SEPTIN9: variants seen among roughly 807,000 people sequenced by gnomAD.
SEPTIN9 encodes septin 9.
Under a neutral mutation model 56.6 loss-of-function variants are expected in SEPTIN9, and 13 were observed. That is an observed-to-expected ratio of 0.23 (90% CI 0.15 to 0.37). The LOEUF (loss-of-function observed/expected upper bound fraction) is 0.37, where lower values mean the gene tolerates loss of function less well. SEPTIN9 is among the 10% of genes least tolerant of loss of function. The probability of loss-of-function intolerance (pLI) is 1.00; values close to 1 mark genes in which losing one functional copy is unlikely to be tolerated. For missense variants in SEPTIN9, 650 were observed against 823.1 expected, an observed-to-expected ratio of 0.79 and a Z score of 2.57; for synonymous variants, 332 against 334.1, an observed-to-expected ratio of 0.99 and a Z score of 0.07.
chr17:77,300,149 G>A (rs2031974239), intron 1 of SEPTIN9, among the ~76,000 whole-genome samples: 1 of 152,158 alleles, frequency 6.6e-6, no homozygotes, highest in Non-Finnish European at 1.5e-5. Context: ...CCAGGTTGGA[G>A]TGCAGTGGCA....
Position 77,437,262 on chromosome 17 carries a change from T to C in SEPTIN9, c.721+34559T>C, listed in dbSNP as rs975806720. 1.1e-4 allele frequency among the ~76,000 whole-genome samples: 16 copies of C among 152,138 alleles called. No individual in the cohort carries two copies. The highest frequency in any genetic ancestry group is 3.9e-4 in the African/African-American group (16 of 41,432). ...GGAAAGCAAGAAGCCTGGAGAGAAG[T>C]GAGGCCTCTGTGGTTTGGCCTGAGT... On this transcript the variant is annotated intron_variant, in intron 3 of 11. Coordinates refer to ENST00000427177, the MANE Select transcript of SEPTIN9 (RefSeq NM_001113491.2). The surrounding 1 kb of genome is among the most constrained non-coding windows in gnomAD (Gnocchi z 5.3).
chr17:77,320,696 C>T (rs893036303), intron 2 of SEPTIN9, among the ~76,000 whole-genome samples: 16 of 152,204 alleles, frequency 1.1e-4, no homozygotes, highest in Non-Finnish European at 1.9e-4. Context: ...GGGTCTGGGG[C>T]GGCGGCGCTT....
At chr17:77,471,234 C>T (rs1464179591) in intron 3 of SEPTIN9, among the ~76,000 whole-genome samples, 1 of 152,178 alleles carries the variant, frequency 6.6e-6, no homozygotes, top group African/African-American at 2.4e-5. Context: ...TTTAGTCAGG[C>T]TCCTACTCAT....
In SEPTIN9 at chr17:77,499,045, GC is replaced by G; in HGVS notation, c.*390del. ...GGCCAGGCCTCGCACTTGCAGAGGA[GC>G]CCAGTGGGCTGCACGCTCCCCTCCA... is the stretch of plus-strand genomic sequence containing the variant. On this transcript the variant is annotated 3_prime_UTR_variant, in exon 12 of 12. Coordinates refer to ENST00000427177, the MANE Select transcript of SEPTIN9 (RefSeq NM_001113491.2). 1 of 537,864 alleles carries G rather than the reference GC, an allele frequency of 1.9e-6. No homozygotes were observed. The allele number at this position is 537,864 out of a possible 1,614,324, so 33.3% of individuals were successfully genotyped here. A position where few individuals can be genotyped will look rare whatever the true frequency, so the allele number is the denominator to read the frequency against.
chr17:77,395,163 C>T (rs1178260264), intron 2 of SEPTIN9, among the ~76,000 whole-genome samples: 2 of 152,036 alleles, frequency 1.3e-5, no homozygotes, highest in Admixed American at 1.3e-4. Flanking sequence ...ATCCTCTAGC[C>T]TCAGGTTCCC....
chr17:77,478,613 C>T (rs1158763117), intron 3 of SEPTIN9, among the ~76,000 whole-genome samples: 2 of 152,090 alleles, frequency 1.3e-5, no homozygotes, highest in African/African-American at 4.8e-5. Flanking sequence ...TCAAGACCAG[C>T]CTGACCAGCA....
At chr17:77,427,669 G>A (rs1006325504) in intron 3 of SEPTIN9, among the ~76,000 whole-genome samples, 5 of 152,216 alleles carry the variant, frequency 3.3e-5, no homozygotes, top group Non-Finnish European at 5.9e-5. Flanking sequence ...CAGGGGGCCT[G>A]GAGCATCTCC....
intron 2 of SEPTIN9, among the ~76,000 whole-genome samples, chr17:77,368,798 A>G (rs1179105351): frequency 6.6e-6 from 1 of 152,198 alleles, no homozygotes; most frequent in Admixed American, 6.5e-5. Flanking sequence ...CACAACTTTC[A>G]TCACCTCTTA....
At chr17:77,488,199 T>C in intron 5 of SEPTIN9, 41 bp from the exon 6 acceptor site, 11 of 1,595,656 alleles carry the variant, frequency 6.9e-6, no homozygotes, top group Non-Finnish European at 8.6e-6. Flanking sequence ...TGTGAGGGTC[T>C]TCCGTCTCCC....
At chr17:77,306,600 C>T (rs2032276379) in intron 1 of SEPTIN9, among the ~76,000 whole-genome samples, 1 of 152,358 alleles carries the variant, frequency 6.6e-6, no homozygotes, top group East Asian at 1.9e-4. Context: ...ATAGCCTGTC[C>T]CACTCCATCC....
At chr17:77,312,006 C>G (rs1171306355) in intron 2 of SEPTIN9, among the ~76,000 whole-genome samples, 2 of 152,202 alleles carry the variant, frequency 1.3e-5, no homozygotes, top group Non-Finnish European at 2.9e-5. Context: ...ACCTTGACCT[C>G]TGCCTCCCCA....
chr17:77,332,585 G>A lies in SEPTIN9; in HGVS notation c.76+25388G>A, dbSNP rs117056773. On this transcript the variant is annotated intron_variant, in intron 2 of 11. Transcript: ENST00000427177. Reference sequence around the variant, plus strand: ...GAGATGCACAGGTGTGAAACGTTCCGTTCTTTGAATTTTAACAAAGGTATC... The same window carrying A: ...GAGATGCACAGGTGTGAAACGTTCCATTCTTTGAATTTTAACAAAGGTATC... 1.5e-4 allele frequency among the ~76,000 whole-genome samples: 23 copies of A among 152,240 alleles called. No individual in the cohort carries two copies. The East Asian group carries it at 3.7e-3, about 24-fold the overall frequency.
Position 77,488,287 on chromosome 17 carries a change from C to G in SEPTIN9, c.1090C>G (p.Pro364Ala). ...VRMKLTVIDT[P>A]GFGDHINNEN... ...GATGAAGCTGACAGTGATTGACACA[C>G]CAGGGTTCGGGGACCACATCAACAA... Residue 364 changes from proline (P) to alanine (A), a missense_variant, in exon 6 of 12, where the codon CCA (proline) becomes GCA (alanine). This residue lies in a region of SEPTIN9 where 333 missense variants were observed against 494.0 expected (regional missense o/e 0.67). Coordinates refer to ENST00000427177, the MANE Select transcript of SEPTIN9 (RefSeq NM_001113491.2). 1 of 1,613,778 alleles carries G rather than the reference C, an allele frequency of 6.2e-7. No homozygotes were observed. The highest frequency in any genetic ancestry group is 8.5e-7 in the Non-Finnish European group (1 of 1,179,844).
chr17:77,432,997 CCT>C (rs926739218), intron 3 of SEPTIN9, among the ~76,000 whole-genome samples: 1 of 152,166 alleles, frequency 6.6e-6, no homozygotes, highest in African/African-American at 2.4e-5. Flanking sequence ...CAGAGAATCC[CCT>C]GTCGCCGTGG....
At chr17:77,354,783 G>T (rs557794134) in intron 2 of SEPTIN9, among the ~76,000 whole-genome samples, 111 of 152,052 alleles carry the variant, frequency 7.3e-4, no homozygotes, top group Non-Finnish European at 1.4e-3. Context: ...GTGGAGGGCG[G>T]TGCAATCGTG....
intron 2 of SEPTIN9, among the ~76,000 whole-genome samples, chr17:77,378,705 G>A (rs1356470746): frequency 1.3e-5 from 2 of 152,124 alleles, no homozygotes; most frequent in African/African-American, 4.8e-5. Context: ...CTCTGAGCCC[G>A]ACAGGTACTC....
At position 77,451,864 on chromosome 17, in the gene SEPTIN9, G is replaced by A. The variant is rs993851837; in HGVS notation, c.722-30280G>A. Among the ~76,000 whole-genome samples the A allele has an allele frequency of 2.0e-5, 3 of 152,334 alleles. No individual in the cohort carries two copies. The highest frequency in any genetic ancestry group is 2.9e-5 in the Non-Finnish European group (2 of 68,030). ...GCTTCTTGGAACATGTTTCCTTTTC[G>A]CAAGGGGTTTCCCTGGCTTCCAGGA... On this transcript the variant is annotated intron_variant, in intron 3 of 11. Coordinates refer to ENST00000427177, the MANE Select transcript of SEPTIN9 (RefSeq NM_001113491.2). This position sits in a 1 kb window ranked among gnomAD's most constrained non-coding sequence, Gnocchi z 4.2.
intron 3 of SEPTIN9, among the ~76,000 whole-genome samples, chr17:77,481,320 TGGGTGTGCAGCCCGTGGGC>T (rs2039445820): frequency 6.6e-6 from 1 of 152,240 alleles, no homozygotes; most frequent in African/African-American, 2.4e-5. Flanking sequence ...TCTTGGCCTG[TGGGTGTGCAGCCCGTGGGC>T]GCTGGCCAGG....
chr17:77,499,660 G>T lies in SEPTIN9; in HGVS notation c.*1002G>T. 1 of 424,916 alleles carries T rather than the reference G, an allele frequency of 2.4e-6. No individual in the cohort carries two copies. The highest frequency in any genetic ancestry group is 2.2e-5 in the South Asian group (1 of 46,436). The allele number at this position is 424,916 out of a possible 1,614,324, so 26.3% of individuals were successfully genotyped here. On this transcript the variant is annotated 3_prime_UTR_variant, in exon 12 of 12. Transcript: ENST00000427177. ...ACCAGGGAAGTGTGTGTGTGTCCAT[G>T]TGTATGCGTGTCCGTCTGTCTGTCT...
Sources: gnomAD v4.1 joint callset for allele counts (sites outside exome capture counted in the v4.1 genomes callset) on GRCh38, gnomAD v4.1.1 for gene constraint, gnomAD v4.1.1 regional missense constraint, Gnocchi (gnomAD v3.1) non-coding constraint, MANE v1.5 for transcripts, NCBI Gene and HGNC (gene_info 2026-07-23, HGNC 2026-07-21) for gene names.